The following HSD17B12 variants were observed in gnomAD, a reference collection of about 807,000 sequenced individuals.
HSD17B12 encodes hydroxysteroid 17-beta dehydrogenase 12.
A neutral mutation model predicts 39.3 loss-of-function variants in HSD17B12; 32 were observed. The ratio of observed to expected loss-of-function variants is 0.81; its 90% confidence interval spans 0.61 to 1.09. The LOEUF (loss-of-function observed/expected upper bound fraction) is 1.09, where lower values mean the gene tolerates loss of function less well. HSD17B12 is among the 50% of genes least tolerant of loss of function. HSD17B12 has a pLI of 0.00. For missense variants in HSD17B12, 342 were observed against 382.9 expected, an observed-to-expected ratio of 0.89 and a Z score of 0.89; for synonymous variants, 150 against 146.7, an observed-to-expected ratio of 1.02 and a Z score of -0.16.
chr11:43,823,471 A>G (rs964517439), intron 6 of HSD17B12, among the ~76,000 whole-genome samples: 1 of 151,708 alleles, frequency 6.6e-6, no homozygotes, highest in Non-Finnish European at 1.5e-5. Context: ...GAGTGTTGCT[A>G]TGTTGCTCAG....
chr11:43,714,684 G>A (rs1203520177), intron 1 of HSD17B12, among the ~76,000 whole-genome samples: 2 of 152,132 alleles, frequency 1.3e-5, no homozygotes, highest in Admixed American at 6.5e-5. Flanking sequence ...GCTTGATGGG[G>A]ATGGCATTGA....
the HSD17B12 span, among the ~76,000 whole-genome samples, chr11:43,615,178 A>G: frequency 6.6e-6 from 1 of 152,166 alleles, no homozygotes; most frequent in Admixed American, 6.5e-5. Context: ...TAGGTGGGGT[A>G]TAGAGTAACT....
chr11:43,771,059 G>T (rs1236457407), intron 3 of HSD17B12, among the ~76,000 whole-genome samples: 1 of 152,156 alleles, frequency 6.6e-6, no homozygotes, highest in East Asian at 1.9e-4. Flanking sequence ...ATTAGAGAGG[G>T]AGAGAATCAC....
At chr11:43,698,201 G>A (rs995915415) in intron 1 of HSD17B12, among the ~76,000 whole-genome samples, 1 of 152,184 alleles carries the variant, frequency 6.6e-6, no homozygotes, top group African/African-American at 2.4e-5. Context: ...ACTGTGAGGG[G>A]TCTGAGCTCT....
In HSD17B12 at chr11:43,790,216, C is replaced by G. The variant is rs546642934; in HGVS notation, c.284-8104C>G. ...ATTGAGTCAAGGAAATACTTGGACG[C>G]TAAAAGCAAGGCTAAAAATAGTACA... On this transcript the variant is annotated intron_variant, in intron 3 of 10. Coordinates refer to ENST00000278353, the MANE Select transcript of HSD17B12 (RefSeq NM_016142.3). 4.6e-5 allele frequency among the ~76,000 whole-genome samples: 7 copies of G among 152,248 alleles called. No homozygotes were observed. The South Asian group carries it at 1.2e-3, about 27-fold the overall frequency.
chr11:43,786,913 T>C (rs1369473157), intron 3 of HSD17B12, among the ~76,000 whole-genome samples: 1 of 152,124 alleles, frequency 6.6e-6, no homozygotes. Context: ...ATGGTACCTT[T>C]AGGGAATCCT....
chr11:43,847,682 C>T (rs1293021011), intron 9 of HSD17B12, among the ~76,000 whole-genome samples: 4 of 121,206 alleles, frequency 3.3e-5, no homozygotes, highest in Non-Finnish European at 4.8e-5. Context: ...ACTCCAGCCT[C>T]GGTGATGGGT....
chr11:43,787,503 G>A (rs1451293318), intron 3 of HSD17B12, among the ~76,000 whole-genome samples: 4 of 151,942 alleles, frequency 2.6e-5, no homozygotes, highest in East Asian at 1.9e-4. Flanking sequence ...GTGGGAGGCC[G>A]AAGCGGGTAG....
chr11:43,718,142 G>T (rs1403823786), intron 1 of HSD17B12, among the ~76,000 whole-genome samples: 2 of 152,144 alleles, frequency 1.3e-5, no homozygotes, highest in Non-Finnish European at 2.9e-5. Flanking sequence ...CAAGCCACAG[G>T]ACCAGCTCAG....
intron 4 of HSD17B12, among the ~76,000 whole-genome samples, chr11:43,815,234 G>T (rs546414686): frequency 1.3e-5 from 2 of 152,270 alleles, no homozygotes; most frequent in Admixed American, 1.3e-4. Context: ...GTACAGGAAG[G>T]TTTAATGAAG....
intron 3 of HSD17B12, among the ~76,000 whole-genome samples, chr11:43,763,610 CTT>C (rs1491360237): frequency 1.5e-5 from 2 of 131,378 alleles, no homozygotes; most frequent in African/African-American, 2.8e-5. Flanking sequence ...ATAAGGTTAT[CTT>C]ATATATATAT....
intron 4 of HSD17B12, among the ~76,000 whole-genome samples, chr11:43,807,100 CT>C (rs748465901): frequency 1.3e-5 from 2 of 151,784 alleles, no homozygotes; most frequent in South Asian, 2.1e-4. Flanking sequence ...CTTTTCTTTC[CT>C]TTTTTTTGAT....
chr11:43,600,949 G>A, the HSD17B12 span, among the ~76,000 whole-genome samples: 1 of 151,548 alleles, frequency 6.6e-6, no homozygotes. Flanking sequence ...TATTATTATT[G>A]ATCACTTTAT....
At position 43,680,839 on chromosome 11, in the gene HSD17B12, T is replaced by C. The variant is rs774665237; in HGVS notation, c.12T>C (p.Ala4=). Residue 4 remains alanine (A), a synonymous_variant, in exon 1 of 11, where the codon GCT becomes GCC. Coordinates refer to ENST00000278353, the MANE Select transcript of HSD17B12 (RefSeq NM_016142.3). ...CCTAGTGGAAAGCCATGGAGAGCGCTCTCCCCGCCGCCGGCTTCCTGTACT... is the reference window on the plus strand; with the variant it reads ...CCTAGTGGAAAGCCATGGAGAGCGCCCTCCCCGCCGCCGGCTTCCTGTACT... MES[A]LPAAGFLYWV... The C allele has an allele frequency of 1.8e-5, 29 of 1,613,930 alleles. No homozygotes were observed. The highest frequency in any genetic ancestry group is 2.4e-5 in the Non-Finnish European group (28 of 1,180,000).
chr11:43,854,801 G>A lies in HSD17B12; in HGVS notation c.771G>A (p.Lys257=), dbSNP rs1951566503. ...AGCCCTCTCCGGAGACGTTTGTGAA[G>A]TCTGCAATTAAAACAGTCGGCCTGC... is the stretch of plus-strand genomic sequence containing the variant. ...LDKPSPETFV[K]SAIKTVGLQS... Residue 257 remains lysine (K), a synonymous_variant, in exon 10 of 11, where the codon AAG becomes AAA. Transcript: ENST00000278353. 2 of 1,614,064 alleles carry A rather than the reference G, an allele frequency of 1.2e-6. No homozygotes were observed. Among genetic ancestry groups the A allele is most frequent in the East Asian group, 4.5e-5 (2 of 44,902 alleles).
chr11:43,588,377 G>A, the HSD17B12 span, among the ~76,000 whole-genome samples: 1 of 152,296 alleles, frequency 6.6e-6, no homozygotes, highest in Middle Eastern at 3.4e-3. Flanking sequence ...AGGACAGGAT[G>A]AAGTGTGTGA....
chr11:43,568,346 AC>A, the HSD17B12 span, among the ~76,000 whole-genome samples: 1 of 151,524 alleles, frequency 6.6e-6, no homozygotes, highest in African/African-American at 2.4e-5. Flanking sequence ...CAAGTGATCC[AC>A]CCGCCTCAGC....
At chr11:43,839,971 T>A (rs1951409062) in intron 8 of HSD17B12, 28 bp from the exon 9 acceptor site, 1 of 1,583,378 alleles carries the variant, frequency 6.3e-7, no homozygotes, top group African/African-American at 1.3e-5. Context: ...ATGTGTGTGT[T>A]TTCTTCTCAC....
the HSD17B12 span, among the ~76,000 whole-genome samples, chr11:43,597,708 C>G: frequency 1.1e-3 from 174 of 152,230 alleles, no homozygotes; most frequent in African/African-American, 4.0e-3. Flanking sequence ...TGCAGTGGTG[C>G]GATCTTGGCT....
Sources: gnomAD v4.1 joint callset for allele counts (sites outside exome capture counted in the v4.1 genomes callset) on GRCh38, gnomAD v4.1.1 for gene constraint, MANE v1.5 for transcripts, NCBI Gene and HGNC (gene_info 2026-07-23, HGNC 2026-07-21) for gene names.